FOXK1: variants seen among roughly 807,000 people sequenced by gnomAD.
The protein encoded by FOXK1 is forkhead box protein K1.
Under a neutral mutation model 51.9 loss-of-function variants are expected in FOXK1, and 19 were observed. The observed-to-expected ratio is 0.37, with a 90% CI of 0.26 to 0.54. The LOEUF is 0.54. Among genes scored for constraint, FOXK1 ranks in the 20% least tolerant of loss-of-function variants. The pLI, the probability that FOXK1 is intolerant of heterozygous loss-of-function variation, is 0.87. For synonymous variants in FOXK1, 537 were observed against 482.6 expected, an observed-to-expected ratio of 1.11 and a Z score of -1.48; for missense variants, 870 against 1,032.7, an observed-to-expected ratio of 0.84 and a Z score of 2.16.
chr7:4,757,196 C>A lies in FOXK1; in HGVS notation c.1244+9C>A, dbSNP rs113434063. 1 of 1,582,228 alleles carries A rather than the reference C, an allele frequency of 6.3e-7. No individual in the cohort carries two copies. Among genetic ancestry groups the A allele is most frequent in the East Asian group, 2.3e-5 (1 of 44,438 alleles). On this transcript the variant is annotated intron_variant, in intron 5 of 8. Transcript: ENST00000328914. ...GGGCCTCTGTCCTCAAGGTAAAGTTCTCTGAGCGCCCGTCCTCCAGCTGTT... is the reference window on the plus strand; with the variant it reads ...GGGCCTCTGTCCTCAAGGTAAAGTTATCTGAGCGCCCGTCCTCCAGCTGTT...
intron 1 of FOXK1, among the ~76,000 whole-genome samples, chr7:4,721,411 G>A (rs1003889418): frequency 1.3e-5 from 2 of 152,104 alleles, no homozygotes; most frequent in Admixed American, 1.3e-4. Context: ...GTTTCCTGCA[G>A]GTGACAGTGG....
Position 4,759,515 on chromosome 7 carries a change from T to C in FOXK1, c.1616T>C (p.Ile539Thr). Residue 539 changes from isoleucine (I) to threonine (T), a missense_variant, in exon 7 of 9, where the codon ATC (isoleucine) becomes ACC (threonine). Physicochemically the swap from Ile to Thr is moderately conservative, Grantham distance 89. Coordinates refer to ENST00000328914, the MANE Select transcript of FOXK1 (RefSeq NM_001037165.2). ...TCTGCCAACTCGGCCAACGGATACA[T>C]CCTCACCAGCCAGGGCGCGGCGGGG... is the stretch of plus-strand genomic sequence containing the variant. ...TTSANSANGY[I>T]LTSQGAAGGS... is the part of the protein sequence containing the mutation. 1.3e-6 allele frequency: 2 copies of C among 1,571,556 alleles called. No homozygotes were observed. Among genetic ancestry groups the C allele is most frequent in the Non-Finnish European group, 8.6e-7 (1 of 1,164,968 alleles).
intron 1 of FOXK1, among the ~76,000 whole-genome samples, chr7:4,721,215 C>G (rs1780304924): frequency 6.6e-6 from 1 of 152,200 alleles, no homozygotes; most frequent in African/African-American, 2.4e-5. Context: ...GCAGCTCAGA[C>G]TGGAGCTTGG....
At chr7:4,751,578 G>A (rs1780778407) in intron 2 of FOXK1, among the ~76,000 whole-genome samples, 1 of 152,196 alleles carries the variant, frequency 6.6e-6, no homozygotes, top group South Asian at 2.1e-4. Context: ...CTGCAGGCCT[G>A]GTATCGGGGG....
In FOXK1 at chr7:4,683,497, A is replaced by C. The variant is rs1779780290; in HGVS notation, c.560+629A>C. 6.8e-6 allele frequency among the ~76,000 whole-genome samples: 1 copy of C among 147,052 alleles called. No homozygotes were observed. Among genetic ancestry groups the C allele is most frequent in the African/African-American group, 2.5e-5 (1 of 39,304 alleles). ...GCAGGGCCACTCCCACCCCAGCTCC[A>C]CCCAGCTGGGTTACTGAGGTCACCT... On this transcript the variant is annotated intron_variant, in intron 1 of 8. Transcript: ENST00000328914. This position sits in a 1 kb window ranked among gnomAD's most constrained non-coding sequence, Gnocchi z 4.5.
chr7:4,686,338 G>A (rs1400090699), intron 1 of FOXK1, among the ~76,000 whole-genome samples: 8 of 152,152 alleles, frequency 5.3e-5, no homozygotes, highest in Non-Finnish European at 1.5e-5. Flanking sequence ...CACACTTCCA[G>A]TAGAGCTCCC....
At position 4,747,867 on chromosome 7, in the gene FOXK1, G is replaced by A. The variant is rs1780725394; in HGVS notation, c.747-6592G>A. On this transcript the variant is annotated intron_variant, in intron 2 of 8. Transcript: ENST00000328914. This position sits in a 1 kb window ranked among gnomAD's most constrained non-coding sequence, Gnocchi z 9.2. ...TTTGTTGTTTTTGTTTTGTTTTGAA[G>A]CAGGGTCTTGTTCTGACACCCAGGC... Among the ~76,000 whole-genome samples, 1 of 151,286 alleles carries A rather than the reference G, an allele frequency of 6.6e-6. No individual in the cohort carries two copies. Among genetic ancestry groups the A allele is most frequent in the Non-Finnish European group, 1.5e-5 (1 of 67,836 alleles).
rs1429076659 is a variant in FOXK1, at chr7:4,730,085, T to G, written c.561-10753T>G. On this transcript the variant is annotated intron_variant, in intron 1 of 8. Transcript: ENST00000328914. The surrounding 1 kb of genome is among the most constrained non-coding windows in gnomAD (Gnocchi z 4.7). ...CACCGCGTGTCACCGACTCAGCATATGGGCTTGAGTATCTCGCTGTCTTTT... is the reference window on the plus strand; with the variant it reads ...CACCGCGTGTCACCGACTCAGCATAGGGGCTTGAGTATCTCGCTGTCTTTT... 1.3e-5 allele frequency among the ~76,000 whole-genome samples: 2 copies of G among 152,238 alleles called. No homozygotes were observed. Among genetic ancestry groups the G allele is most frequent in the African/African-American group, 4.8e-5 (2 of 41,464 alleles).
At chr7:4,726,418 G>C (rs773143713) in intron 1 of FOXK1, among the ~76,000 whole-genome samples, 1 of 152,072 alleles carries the variant, frequency 6.6e-6, no homozygotes, top group Admixed American at 6.6e-5. Flanking sequence ...TCAGGAGTTC[G>C]AGACCAGCCT....
chr7:4,733,269 T>G lies in FOXK1; in HGVS notation c.561-7569T>G, dbSNP rs1034728629. ...GTTTCAAACTCCTGGGCTCAAGCAA[T>G]CCTCCAACCTCATCCTCCCAGAGTG... On this transcript the variant is annotated intron_variant, in intron 1 of 8. Coordinates refer to ENST00000328914, the MANE Select transcript of FOXK1 (RefSeq NM_001037165.2). This position sits in a 1 kb window ranked among gnomAD's most constrained non-coding sequence, Gnocchi z 5.0. Among the ~76,000 whole-genome samples, 3 of 151,998 alleles carry G rather than the reference T, an allele frequency of 2.0e-5. No individual in the cohort carries two copies. Among genetic ancestry groups the G allele is most frequent in the African/African-American group, 7.3e-5 (3 of 41,360 alleles).
At chr7:4,689,558 C>A (rs1043419390) in intron 1 of FOXK1, among the ~76,000 whole-genome samples, 1 of 152,158 alleles carries the variant, frequency 6.6e-6, no homozygotes, top group Non-Finnish European at 1.5e-5. Flanking sequence ...AACCTTGTTA[C>A]GACGTCGCAT....
intron 1 of FOXK1, among the ~76,000 whole-genome samples, chr7:4,686,787 G>A (rs750427640): frequency 1.8e-4 from 27 of 151,702 alleles, no homozygotes; most frequent in Non-Finnish European, 3.2e-4. Context: ...CGGCGTCATC[G>A]ATTTAGTCTG....
chr7:4,682,715 T>G lies in FOXK1; in HGVS notation c.407T>G (p.Leu136Trp). ...GRNSSQGSVDLSMGLSSFISR... is the reference protein window; with the variant it reads ...GRNSSQGSVDWSMGLSSFISR... ...AACTCGTCGCAGGGCTCGGTGGACT[T>G]GAGCATGGGCCTGTCCAGCTTCATC... is the stretch of plus-strand genomic sequence containing the variant. The change falls in exon 1 of 9, where the codon TTG (leucine) becomes TGG (tryptophan). Residue 136 changes from leucine to tryptophan, a missense_variant. Physicochemically the swap from Leu to Trp is moderately conservative, Grantham distance 61 (BLOSUM62 -2). Around this residue, in one of 3 missense-constraint regions of FOXK1, gnomAD observed 399 missense variants for 475.6 expected, o/e 0.84. Coordinates refer to ENST00000328914, the MANE Select transcript of FOXK1 (RefSeq NM_001037165.2). The surrounding 1 kb of genome is among the most constrained non-coding windows in gnomAD (Gnocchi z 7.6). 6 of 1,603,548 alleles carry G rather than the reference T, an allele frequency of 3.7e-6. No homozygotes were observed. Among genetic ancestry groups the G allele is most frequent in the Non-Finnish European group, 5.1e-6 (6 of 1,178,210 alleles).
chr7:4,712,728 A>G, intron 1 of FOXK1, among the ~76,000 whole-genome samples: 1 of 152,166 alleles, frequency 6.6e-6, no homozygotes, highest in Non-Finnish European at 1.5e-5. Flanking sequence ...TTGCCCTCTC[A>G]GATAGGAGAT....
intron 1 of FOXK1, among the ~76,000 whole-genome samples, chr7:4,699,232 C>A (rs1208300899): frequency 6.6e-6 from 1 of 151,712 alleles, no homozygotes; most frequent in Non-Finnish European, 1.5e-5. Flanking sequence ...CAACTTCACT[C>A]AGGTGGAGCA....
intron 1 of FOXK1, among the ~76,000 whole-genome samples, chr7:4,720,803 C>T (rs1249154995): frequency 1.3e-5 from 2 of 151,800 alleles, no homozygotes; most frequent in East Asian, 1.9e-4. Context: ...ACTGCAACCT[C>T]TACCTCCTGG....
At chr7:4,695,904 C>G (rs539742533) in intron 1 of FOXK1, among the ~76,000 whole-genome samples, 1 of 150,978 alleles carries the variant, frequency 6.6e-6, no homozygotes, top group South Asian at 2.1e-4. Context: ...CCATTGCACT[C>G]CAGTCTGGGC....
chr7:4,709,282 C>T lies in FOXK1; in HGVS notation c.560+26414C>T, dbSNP rs961720983. Among the ~76,000 whole-genome samples, 5 of 152,054 alleles carry T rather than the reference C, an allele frequency of 3.3e-5. No homozygotes were observed. Among genetic ancestry groups the T allele is most frequent in the Admixed American group, 6.6e-5 (1 of 15,254 alleles). On this transcript the variant is annotated intron_variant, in intron 1 of 8. Transcript: ENST00000328914. This position sits in a 1 kb window ranked among gnomAD's most constrained non-coding sequence, Gnocchi z 5.6. ...TCCCACTGCATGTTTTGGATCTGTC[C>T]GGGATCCCTCCTTGTTAGGCCAGGT... is the stretch of plus-strand genomic sequence containing the variant.
intron 2 of FOXK1, among the ~76,000 whole-genome samples, 200 bp from the exon 3 acceptor site, chr7:4,754,259 G>T (rs911372739): frequency 6.6e-6 from 1 of 152,242 alleles, no homozygotes; most frequent in Non-Finnish European, 1.5e-5. Context: ...GTCACCACTG[G>T]AAGGAAACTT....
Sources: gnomAD v4.1 joint callset for allele counts (sites outside exome capture counted in the v4.1 genomes callset) on GRCh38, gnomAD v4.1.1 for gene constraint, gnomAD v4.1.1 regional missense constraint, Gnocchi (gnomAD v3.1) non-coding constraint, MANE v1.5 for transcripts, NCBI Gene and HGNC (gene_info 2026-07-23, HGNC 2026-07-21) for gene names.